NAALADL2: variants seen among roughly 807,000 people sequenced by gnomAD.
The protein encoded by NAALADL2 is inactive N-acetylated-alpha-linked acidic dipeptidase-like protein 2.
In NAALADL2, 76 loss-of-function variants were observed where a neutral mutation model predicts 87.2. The observed-to-expected ratio is 0.87, with a 90% CI of 0.72 to 1.05. NAALADL2 has a LOEUF of 1.05. NAALADL2 is among the 50% of genes least tolerant of loss of function. The pLI is 0.00. For missense variants in NAALADL2, 1,089 were observed against 945.8 expected (o/e 1.15, Z -1.99); for synonymous variants, 354 against 331.0 (o/e 1.07, Z -0.75).
chr3:175,582,073 A>T (rs1016403487), intron 10 of NAALADL2, among the ~76,000 whole-genome samples: 1 of 152,222 alleles, frequency 6.6e-6, no homozygotes, highest in African/African-American at 2.4e-5. Flanking sequence ...ACTCCAATCA[A>T]CAAATCAACA....
intron 13 of NAALADL2, among the ~76,000 whole-genome samples, chr3:175,790,179 A>G (rs763727202): frequency 6.6e-6 from 1 of 152,108 alleles, no homozygotes; most frequent in East Asian, 1.9e-4. Flanking sequence ...CAACAAACCT[A>G]TGCATTACTA....
chr3:175,544,622 T>C (rs1395055171), intron 9 of NAALADL2, among the ~76,000 whole-genome samples: 1 of 152,226 alleles, frequency 6.6e-6, no homozygotes, highest in Non-Finnish European at 1.5e-5. Context: ...ATTCTGTACA[T>C]TGGAACTCAA....
chr3:174,880,130 C>T (rs1049193080), intron 1 of NAALADL2, among the ~76,000 whole-genome samples: 3 of 151,964 alleles, frequency 2.0e-5, no homozygotes, highest in Admixed American at 6.6e-5. Context: ...AGCTCTATAT[C>T]GATGATTCTC....
At chr3:174,878,070 C>T (rs892023910) in intron 1 of NAALADL2, among the ~76,000 whole-genome samples, 7 of 151,976 alleles carry the variant, frequency 4.6e-5, no homozygotes, top group Non-Finnish European at 8.8e-5. Context: ...ATACATGGAC[C>T]TCTAAAATTT....
At chr3:174,784,549 T>C (rs1271378577) in intron 3 of NAALADL2, among the ~76,000 whole-genome samples, 2 of 152,214 alleles carry the variant, frequency 1.3e-5, no homozygotes, top group Non-Finnish European at 2.9e-5. Context: ...GTATTAAAGA[T>C]GTGACAGTAA....
chr3:174,999,896 T>C (rs1020170905), intron 1 of NAALADL2, among the ~76,000 whole-genome samples: 3 of 152,158 alleles, frequency 2.0e-5, no homozygotes, highest in Non-Finnish European at 2.9e-5. Context: ...AACAATACTT[T>C]CTTACTCCAA....
chr3:175,231,187 A>G (rs1459388520), intron 2 of NAALADL2, among the ~76,000 whole-genome samples: 1 of 152,076 alleles, frequency 6.6e-6, no homozygotes, highest in Admixed American at 6.6e-5. Flanking sequence ...TATTAAAAAA[A>G]GACAATGGGA....
intron 9 of NAALADL2, among the ~76,000 whole-genome samples, chr3:175,531,218 C>T (rs1358013520): frequency 6.6e-6 from 1 of 152,152 alleles, no homozygotes; most frequent in Non-Finnish European, 1.5e-5. Context: ...CAGAATAACA[C>T]ACCGAGATGA....
intron 3 of NAALADL2, among the ~76,000 whole-genome samples, chr3:174,814,944 T>TA (rs1720629418): frequency 6.6e-6 from 1 of 152,218 alleles, no homozygotes; most frequent in Non-Finnish European, 1.5e-5. Flanking sequence ...TTTCAATACT[T>TA]ACCCGGGCCA....
chr3:175,323,588 T>C (rs566371551), intron 4 of NAALADL2, among the ~76,000 whole-genome samples: 1 of 151,672 alleles, frequency 6.6e-6, no homozygotes, highest in Non-Finnish European at 1.5e-5. Flanking sequence ...GAGTGAGGAA[T>C]TCCATGAATA....
chr3:174,709,762 G>A (rs548673614), intron 2 of NAALADL2, among the ~76,000 whole-genome samples: 31 of 152,188 alleles, frequency 2.0e-4, no homozygotes, highest in Non-Finnish European at 4.1e-4. Flanking sequence ...TTTACCTCCT[G>A]GAACTTTTCA....
chr3:174,921,817 A>G (rs1463747805), intron 1 of NAALADL2, among the ~76,000 whole-genome samples: 1 of 85,056 alleles, frequency 1.2e-5, no homozygotes, highest in Non-Finnish European at 2.3e-5. Flanking sequence ...AAAAAAAAAA[A>G]AAAAGAAAAA....
chr3:174,812,752 T>G (rs1017103178), intron 3 of NAALADL2, among the ~76,000 whole-genome samples: 1 of 151,794 alleles, frequency 6.6e-6, no homozygotes, highest in Non-Finnish European at 1.5e-5. Context: ...TAGGCTAATG[T>G]GTGTATTTGT....
chr3:174,555,122 C>T (rs879586593), intron 2 of NAALADL2, among the ~76,000 whole-genome samples: 15 of 152,016 alleles, frequency 9.9e-5, no homozygotes, highest in Non-Finnish European at 1.8e-4. Context: ...TTTGGGAGGA[C>T]GCAAATATTC....
intron 9 of NAALADL2, among the ~76,000 whole-genome samples, chr3:175,530,427 C>T (rs1365149599): frequency 6.6e-6 from 1 of 152,192 alleles, no homozygotes; most frequent in Non-Finnish European, 1.5e-5. Context: ...GCCATTTCTC[C>T]TTCCATGCGA....
intron 5 of NAALADL2, among the ~76,000 whole-genome samples, chr3:175,340,668 A>T (rs1162658026): frequency 6.6e-6 from 1 of 152,204 alleles, no homozygotes; most frequent in Non-Finnish European, 1.5e-5. Context: ...CACAGTTAAG[A>T]TGCTCATCAT....
chr3:174,990,416 G>A (rs567174438), intron 1 of NAALADL2, among the ~76,000 whole-genome samples: 5 of 152,176 alleles, frequency 3.3e-5, no homozygotes, highest in South Asian at 2.1e-4. Context: ...CTTGCGTCTC[G>A]TAGGAAATAA....
rs540332800 is a variant in NAALADL2 at position 175,379,199 on chromosome 3, T to C, written c.1090+54874T>C. Among the ~76,000 whole-genome samples the C allele has an allele frequency of 1.3e-4, 20 of 152,196 alleles. No individual in the cohort carries two copies. In the East Asian group the frequency reaches 2.5e-3, roughly 19 times the overall value. ...CCTGTTTCTTCCTCTCTCTTTTTTT[T>C]TTTTTTTCCTGTAGAATAGTCTTCT... On this transcript the variant is annotated intron_variant, in intron 5 of 13. Coordinates refer to ENST00000454872, the MANE Select transcript of NAALADL2 (RefSeq NM_207015.3).
intron 2 of NAALADL2, among the ~76,000 whole-genome samples, chr3:174,556,210 T>C (rs191167450): frequency 4.6e-5 from 7 of 152,288 alleles, no homozygotes; most frequent in Admixed American, 3.9e-4. Context: ...CTCATTATTC[T>C]ATTCCCTGTC....
Sources: allele counts gnomAD v4.1 joint callset (sites outside exome capture counted in the v4.1 genomes callset), GRCh38; gene constraint gnomAD v4.1.1; transcripts MANE v1.5; gene names NCBI Gene and HGNC (gene_info 2026-07-23, HGNC 2026-07-21).